The following CAPNS1 variants were observed in gnomAD, a reference collection of about 807,000 sequenced individuals.
CAPNS1 encodes calpain small subunit 1.
CAPNS1 carries 32 observed loss-of-function variants against 39.2 expected under a neutral mutation model. The observed-to-expected ratio is 0.82, with a 90% CI of 0.62 to 1.10. The LOEUF (loss-of-function observed/expected upper bound fraction) is 1.10, where lower values mean the gene tolerates loss of function less well. Ranked by LOEUF, CAPNS1 falls within the 50% of genes least tolerant of loss-of-function variation. The pLI is 0.00. For synonymous variants in CAPNS1, 153 were observed against 136.2 expected, an observed-to-expected ratio of 1.12 and a Z score of -0.86; for missense variants, 353 against 373.1, an observed-to-expected ratio of 0.95 and a Z score of 0.44.
intron 2 of CAPNS1, 32 bp downstream of exon 2, chr19:36,141,252 TG>T (rs769008516): frequency 7.2e-5 from 108 of 1,500,836 alleles, no homozygotes; most frequent in Non-Finnish European, 1.7e-5. Flanking sequence ...GGGCGGGGCC[TG>T]GGAATGGGAG....
rs1248173862 is a variant in CAPNS1, at chr19:36,141,173, C to T, written c.162C>T (p.Gly54=). 8.5e-6 allele frequency: 12 copies of T among 1,414,336 alleles called. No individual in the cohort carries two copies. The highest frequency in any genetic ancestry group is 1.6e-5 in the South Asian group (1 of 62,292). The allele number at this position is 1,414,336 out of a possible 1,614,324, so 87.6% of individuals were successfully genotyped here. Residue 54 remains glycine (G), a synonymous_variant, in exon 2 of 11, where the codon GGC becomes GGT. Coordinates refer to ENST00000246533, the MANE Select transcript of CAPNS1 (RefSeq NM_001749.4). Reference sequence around the variant, plus strand: ...GCGGCGGTGGTGGAGGCGGCGGTGGCGGTGGAACGGCCATGCGCATCCTAG... The same window carrying T: ...GCGGCGGTGGTGGAGGCGGCGGTGGTGGTGGAACGGCCATGCGCATCCTAG... ...GGGGGGGGGG[G]GGTAMRILGG...
intron 6 of CAPNS1, among the ~76,000 whole-genome samples, chr19:36,145,157 C>A (rs910254026): frequency 1.3e-5 from 2 of 149,946 alleles, no homozygotes; most frequent in African/African-American, 4.9e-5. Context: ...CATATCCTAA[C>A]ATTTTTATGA....
rs1974729467 is a variant in CAPNS1 at position 36,150,211 on chromosome 19, C to T, written c.*372C>T. The T allele has an allele frequency of 4.8e-6, 1 of 210,082 alleles. No individual in the cohort carries two copies. Among genetic ancestry groups the T allele is most frequent in the African/African-American group, 2.3e-5 (1 of 43,520 alleles). 13.0% of individuals were successfully genotyped at this position (210,082 alleles called of 1,614,324 possible). On this transcript the variant is annotated 3_prime_UTR_variant, in exon 11 of 11. Transcript: ENST00000246533. ...AGGATGACTCCAGTCCCTGCACGCC[C>T]TGGCACACCCTTCACGGTTGCTACC...
intron 6 of CAPNS1, 38 bp downstream of exon 6, chr19:36,143,166 A>C (rs1555729870): frequency 1.9e-6 from 3 of 1,591,510 alleles, no homozygotes; most frequent in Non-Finnish European, 2.6e-6. Context: ...CCCTGGGTGG[A>C]CAGAGAGTTT....
At chr19:36,147,731 C>T (rs1974622305) in intron 9 of CAPNS1, among the ~76,000 whole-genome samples, 1 of 151,252 alleles carries the variant, frequency 6.6e-6, no homozygotes, top group Admixed American at 6.6e-5. Flanking sequence ...TGCCACTGCA[C>T]TCCAGCCTGG....
chr19:36,147,188 A>G (rs1184176818), intron 9 of CAPNS1, among the ~76,000 whole-genome samples: 2 of 152,210 alleles, frequency 1.3e-5, no homozygotes, highest in South Asian at 2.1e-4. Flanking sequence ...ATGGCTGGGA[A>G]GTGGGGATTA....
Position 36,143,102 on chromosome 19 carries a change from TG to T in CAPNS1, c.431del (p.Cys144PhefsTer7). On this transcript the variant is annotated frameshift_variant, in exon 6 of 11. Transcript: ENST00000246533. LOFTEE classifies it high-confidence loss of function. ...GACTGATGGTTTTGGCATTGACACA[TG>T]TCGCAGCATGGTGGCCGTGATGGAT... ...LKTDGFGIDTCRSMVAVMDSD... is the reference protein window; with the variant it reads ...LKTDGFGIDTXRSMVAVMDSD... 1 of 1,614,176 alleles carries T rather than the reference TG, an allele frequency of 6.2e-7. No individual in the cohort carries two copies. Among genetic ancestry groups the T allele is most frequent in the Non-Finnish European group, 8.5e-7 (1 of 1,180,028 alleles).
intron 4 of CAPNS1, 21 bp from the exon 5 acceptor site, chr19:36,142,888 G>A: frequency 1.9e-6 from 3 of 1,613,958 alleles, no homozygotes; most frequent in East Asian, 2.2e-5. Context: ...CCCCTGACCT[G>A]CCCCTAACTT....
Position 36,145,989 on chromosome 19 carries a change from A to G in CAPNS1, c.539A>G (p.Gln180Arg). 1.2e-6 allele frequency: 2 copies of G among 1,614,216 alleles called. No individual in the cohort carries two copies. Among genetic ancestry groups the G allele is most frequent in the Non-Finnish European group, 1.7e-6 (2 of 1,180,034 alleles). The change falls in exon 8 of 11, where the codon CAG becomes CGG. Residue 180 changes from glutamine (Q) to arginine (R), a missense_variant. Transcript: ENST00000246533. ...NIKRWQAIYK[Q>R]FDTDRSGTIC... ...CTGTCCTCACAGGCCATATACAAACAGTTCGACACTGACCGATCAGGGACC... is the reference window on the plus strand; with the variant it reads ...CTGTCCTCACAGGCCATATACAAACGGTTCGACACTGACCGATCAGGGACC...
chr19:36,145,208 T>TTTTTTA (rs1555730198), intron 6 of CAPNS1, among the ~76,000 whole-genome samples: 2 of 145,632 alleles, frequency 1.4e-5, no homozygotes, highest in African/African-American at 5.1e-5. Context: ...TTTCTCTTTT[T>TTTTTTA]TTTTTTTTTT....
At chr19:36,148,688 C>T (rs1458236210) in intron 9 of CAPNS1, among the ~76,000 whole-genome samples, 3 of 151,936 alleles carry the variant, frequency 2.0e-5, no homozygotes, top group African/African-American at 7.3e-5. Context: ...TGGTGCACGC[C>T]TGTAGTCCCA....
At chr19:36,145,469 T>C (rs939084580) in intron 6 of CAPNS1, 2 of 226,196 alleles carry the variant, frequency 8.8e-6, no homozygotes, top group African/African-American at 4.6e-5. Context: ...CCTCCCAAAG[T>C]GCTGGATTGC....
In CAPNS1 at chr19:36,142,267, T is replaced by G. The variant is rs1383790240; in HGVS notation, c.210-33T>G. The stretch of plus-strand genomic sequence containing the variant: ...TGCTGCCCGTTGGAGGCCCCGCCCC[T>G]GGCACTAACCCCTCCCCCTTATCTC... On this transcript the variant is annotated intron_variant, in intron 2 of 10. Coordinates refer to ENST00000246533, the MANE Select transcript of CAPNS1 (RefSeq NM_001749.4). The G allele has an allele frequency of 4.6e-6, 7 of 1,536,066 alleles. No individual in the cohort carries two copies. In the South Asian group the frequency reaches 7.8e-5, roughly 17 times the overall value.
Position 36,150,009 on chromosome 19 carries a change from A to C in CAPNS1, c.*170A>C. On this transcript the variant is annotated 3_prime_UTR_variant, in exon 11 of 11. Transcript: ENST00000246533. ...CCAGCTTCTCAACATCCAGGGCCCA[A>C]TTTGCCCTGCCTGGAGTTCCCCCTG... The C allele has an allele frequency of 1.1e-5, 6 of 559,064 alleles. No homozygotes were observed. Among genetic ancestry groups the C allele is most frequent in the Non-Finnish European group, 1.4e-5 (5 of 358,126 alleles). 34.6% of individuals were successfully genotyped at this position (559,064 alleles called of 1,614,324 possible).
intron 6 of CAPNS1, 98 bp from the exon 7 acceptor site, chr19:36,145,708 C>T (rs775191971): frequency 1.5e-5 from 15 of 1,026,590 alleles, no homozygotes; most frequent in Admixed American, 2.1e-5. Flanking sequence ...GAGTTTCAGC[C>T]CTGGCTGCCC....
chr19:36,141,373 G>T, intron 2 of CAPNS1, 153 bp downstream of exon 2: 15 of 1,350,594 alleles, frequency 1.1e-5, no homozygotes, highest in Non-Finnish European at 1.4e-5. Flanking sequence ...TGGTTTGAGA[G>T]TTCTGCTGTA....
Position 36,145,737 on chromosome 19 carries a change from C to T in CAPNS1, c.457-69C>T, listed in dbSNP as rs552521883. The T allele has an allele frequency of 2.5e-5, 34 of 1,360,802 alleles. No individual in the cohort carries two copies. In the East Asian group the frequency reaches 6.5e-4, roughly 26 times the overall value. 84.3% of individuals were successfully genotyped at this position (1,360,802 alleles called of 1,614,324 possible). A position where few individuals can be genotyped will look rare whatever the true frequency, so the allele number is the denominator to read the frequency against. On this transcript the variant is annotated intron_variant, in intron 6 of 10. Transcript: ENST00000246533. ...GCTGCCCTGCTTGCTGTATCACCAT[C>T]GTGTCCACAGTGCATGTGATGCATG...
intron 10 of CAPNS1, 77 bp downstream of exon 10, chr19:36,149,713 A>T: frequency 6.3e-7 from 1 of 1,592,076 alleles, no homozygotes; most frequent in Non-Finnish European, 8.6e-7. Context: ...TCTGAGCTGC[A>T]GTCCCCTTCC....
intron 2 of CAPNS1, 133 bp downstream of exon 2, chr19:36,141,353 C>G (rs1001662629): frequency 1.5e-6 from 2 of 1,364,640 alleles, no homozygotes; most frequent in African/African-American, 3.1e-5. Context: ...TGAATTAGGC[C>G]GGGGAGGCCT....
Sources: gnomAD v4.1 joint callset for allele counts (sites outside exome capture counted in the v4.1 genomes callset) on GRCh38, gnomAD v4.1.1 for gene constraint, MANE v1.5 for transcripts, NCBI Gene and HGNC (gene_info 2026-07-23, HGNC 2026-07-21) for gene names.